The following NSUN6 variants were observed in gnomAD, a reference collection of about 807,000 sequenced individuals.
NSUN6 encodes tRNA (cytosine(72)-C(5))-methyltransferase NSUN6.
A neutral mutation model predicts 58.0 loss-of-function variants in NSUN6; 64 were observed. That is an observed-to-expected ratio of 1.10 (90% CI 0.90 to 1.36). The LOEUF (loss-of-function observed/expected upper bound fraction) is 1.36. Among genes scored for constraint, NSUN6 ranks in the 40% most tolerant of loss-of-function variants. The pLI is 0.00. For missense variants in NSUN6, 701 were observed against 550.1 expected (o/e 1.27, Z -2.74); for synonymous variants, 231 against 193.9 (o/e 1.19, Z -1.59).
chr10:18,559,859 G>C (rs1464625386), intron 8 of NSUN6, among the ~76,000 whole-genome samples: 2 of 149,792 alleles, frequency 1.3e-5, no homozygotes, highest in Admixed American at 6.7e-5. Flanking sequence ...GGAATGCAGT[G>C]GGGATTTGAA....
chr10:18,553,625 C>T (rs556562375), intron 8 of NSUN6, among the ~76,000 whole-genome samples: 14 of 135,240 alleles, frequency 1.0e-4, no homozygotes, highest in East Asian at 2.2e-4. Context: ...TGGAGTGGAA[C>T]GGAATGGAAG....
rs760393748 is a variant in NSUN6 at position 18,596,175 on chromosome 10, T to C, written c.777+33A>G. Reference sequence around the variant, plus strand: ...TACACATTGTGAAATATACACTACTTTGAGAGTGGATTTGCTGTGAAGACA... The same window carrying C: ...TACACATTGTGAAATATACACTACTCTGAGAGTGGATTTGCTGTGAAGACA... On this transcript the variant is annotated intron_variant, in intron 7 of 10. Transcript: ENST00000377304. 5 of 1,575,074 alleles carry C rather than the reference T, an allele frequency of 3.2e-6. No individual in the cohort carries two copies. The East Asian group carries it at 9.0e-5, about 28-fold the overall frequency.
chr10:18,655,207 C>G, upstream of NSUN6: 1 of 942,610 alleles, frequency 1.1e-6, no homozygotes, highest in African/African-American at 1.8e-5. Flanking sequence ...TAGATTCTTA[C>G]AAAGAAAATG....
rs1426266580 is a variant in NSUN6 at position 18,609,926 on chromosome 10, T to C, written c.576A>G (p.Lys192=). 5 of 1,576,538 alleles carry C rather than the reference T, an allele frequency of 3.2e-6. No homozygotes were observed. The highest frequency in any genetic ancestry group is 4.4e-6 in the Non-Finnish European group (5 of 1,146,104). ...GTTCTGTCATTCTTATGCCCATGCCTCTGAAAAATAGGAAATCTAACATTA... is the reference window on the plus strand; with the variant it reads ...GTTCTGTCATTCTTATGCCCATGCCCCTGAAAAATAGGAAATCTAACATTA... ...KEIFSGLPEL[K]GMGIRMTEPV... The change falls in exon 6 of 11, where the codon AAA becomes AAG. Residue 192 remains lysine, a splice_region_variant and synonymous_variant. Coordinates refer to ENST00000377304, the MANE Select transcript of NSUN6 (RefSeq NM_182543.5).
upstream of NSUN6, chr10:18,652,279 C>G: frequency 4.1e-6 from 4 of 984,632 alleles, no homozygotes; most frequent in Non-Finnish European, 4.8e-6. Context: ...ACGAGGATAT[C>G]TAACCAAACT....
intron 3 of NSUN6, among the ~76,000 whole-genome samples, chr10:18,625,271 G>C (rs2058751586): frequency 6.6e-6 from 1 of 152,180 alleles, no homozygotes; most frequent in South Asian, 2.1e-4. Context: ...GGGAATCTCT[G>C]ATGCAGGTAA....
At chr10:18,551,750 G>T in intron 9 of NSUN6, 73 bp downstream of exon 9, 2 of 1,305,944 alleles carry the variant, frequency 1.5e-6, no homozygotes, top group Non-Finnish European at 1.1e-6. Context: ...CTGCTATGGA[G>T]ATTGCTGTCA....
intron 3 of NSUN6, 38 bp downstream of exon 3, chr10:18,642,438 T>G: frequency 6.3e-5 from 63 of 995,758 alleles, no homozygotes; most frequent in Non-Finnish European, 8.3e-5. Flanking sequence ...AAACTTTTAT[T>G]GAGAATAATA....
chr10:18,604,760 C>T (rs563704103), intron 6 of NSUN6, among the ~76,000 whole-genome samples: 1 of 151,868 alleles, frequency 6.6e-6, no homozygotes, highest in Non-Finnish European at 1.5e-5. Context: ...GTGACGCATG[C>T]CTGTAGCTCC....
chr10:18,652,176 T>C (rs2131615974), upstream of NSUN6: 1 of 985,368 alleles, frequency 1.0e-6, no homozygotes, highest in Non-Finnish European at 1.2e-6. Flanking sequence ...ACTTGTATCA[T>C]AGTTGACATA....
intron 7 of NSUN6, among the ~76,000 whole-genome samples, chr10:18,593,111 G>A (rs7075151): frequency 0.61 from 92,782 of 152,058 alleles, 28,717 homozygotes; most frequent in East Asian, 0.98. Flanking sequence ...AAAAAAGCTC[G>A]TCATCACTGG....
At chr10:18,568,460 TTCCATTC>T (rs2056125772) in intron 8 of NSUN6, among the ~76,000 whole-genome samples, 1 of 151,312 alleles carries the variant, frequency 6.6e-6, no homozygotes, top group Non-Finnish European at 1.5e-5. Context: ...CTCCATTCCA[TTCCATTC>T]TCCATTGCAT....
intron 8 of NSUN6, among the ~76,000 whole-genome samples, chr10:18,559,574 T>G (rs533738948): frequency 3.4e-5 from 5 of 147,858 alleles, no homozygotes; most frequent in African/African-American, 1.2e-4. Context: ...GAATGGAGAA[T>G]GCAATAGAGA....
chr10:18,629,251 G>A (rs2058941225), intron 3 of NSUN6, among the ~76,000 whole-genome samples: 1 of 152,122 alleles, frequency 6.6e-6, no homozygotes, highest in Non-Finnish European at 1.5e-5. Flanking sequence ...GCTCCTGAAG[G>A]AAGCACTAAA....
intron 8 of NSUN6, among the ~76,000 whole-genome samples, chr10:18,576,924 C>T (rs1341106626): frequency 6.6e-6 from 1 of 152,026 alleles, no homozygotes; most frequent in Non-Finnish European, 1.5e-5. Context: ...CAAGAGAAGC[C>T]CCTTATGGGT....
intron 9 of NSUN6, among the ~76,000 whole-genome samples, chr10:18,550,712 G>A (rs982102874): frequency 7.1e-6 from 1 of 140,682 alleles, no homozygotes; most frequent in South Asian, 2.3e-4. Context: ...TTCTAAAGAC[G>A]ACCCCCAAAA....
chr10:18,546,297 A>G, intron 10 of NSUN6, 152 bp from the exon 11 acceptor site: 1 of 674,216 alleles, frequency 1.5e-6, no homozygotes, highest in Admixed American at 2.3e-5. Flanking sequence ...GGTGGAACAT[A>G]CGTGCTGCTT....
upstream of NSUN6, chr10:18,658,692 A>G (rs1284962418): frequency 3.1e-6 from 3 of 980,596 alleles, no homozygotes; most frequent in East Asian, 1.1e-4. Context: ...CTCCCAATCA[A>G]TTCTTTTCAG....
chr10:18,583,999 T>G (rs2057017139), intron 8 of NSUN6, among the ~76,000 whole-genome samples: 1 of 152,174 alleles, frequency 6.6e-6, no homozygotes, highest in African/African-American at 2.4e-5. Context: ...GCAGGGCAAG[T>G]TCTTCTAACT....
Sources: allele counts gnomAD v4.1 joint callset (sites outside exome capture counted in the v4.1 genomes callset), GRCh38; gene constraint gnomAD v4.1.1; transcripts MANE v1.5; gene names NCBI Gene and HGNC (gene_info 2026-07-23, HGNC 2026-07-21).